Variants in ZNF419 observed in about 807,000 individuals in gnomAD.
ZNF419 encodes the protein zinc finger protein 419, also known as zinc finger protein 419A.
ZNF419 carries 8 observed loss-of-function variants against 14.9 expected under a neutral mutation model. That is an observed-to-expected ratio of 0.54 (90% confidence interval 0.32 to 0.97). The LOEUF is 0.97. ZNF419 is among the 50% of genes least tolerant of loss of function. The pLI is 0.04. For synonymous variants in ZNF419, 211 were observed against 205.3 expected (o/e 1.03, Z -0.24); for missense variants, 595 against 607.2 (o/e 0.98, Z 0.21).
Position 57,495,780 on chromosome 19 carries a change from A to T in ZNF419, c.*1690A>T, listed in dbSNP as rs1305878287. The stretch of plus-strand genomic sequence containing the variant: ...AAAAAAAAAAAAAAAGCCTTATGTG[A>T]GTATGCTACTGTAATCTTATGAATC... On this transcript the variant is annotated 3_prime_UTR_variant, in exon 5 of 5. Transcript: ENST00000221735. The T allele has an allele frequency of 7.5e-6, 1 of 134,036 alleles. No individual in the cohort carries two copies. Among genetic ancestry groups the T allele is most frequent in the African/African-American group, 2.7e-5 (1 of 36,772 alleles). 8.3% of individuals were successfully genotyped at this position (134,036 alleles called of 1,614,324 possible). A position where few individuals can be genotyped will look rare whatever the true frequency, so the allele number is the denominator to read the frequency against.
At chr19:57,490,092 G>C in intron 1 of ZNF419, 55 bp from the exon 2 acceptor site, 1 of 1,565,878 alleles carries the variant, frequency 6.4e-7, no homozygotes. Context: ...GAGTGGGCTT[G>C]GATGATCCTT....
In ZNF419 at chr19:57,493,804, G is replaced by T. The variant is rs754324835; in HGVS notation, c.1247G>T (p.Arg416Ile). 6.2e-7 allele frequency: 1 copy of T among 1,613,130 alleles called. No individual in the cohort carries two copies. The highest frequency in any genetic ancestry group is 8.5e-7 in the Non-Finnish European group (1 of 1,179,724). ...RFFRENSTLV[R>I]HQRVHTGAKP... Reference sequence around the variant, plus strand: ...TTTAGAGAGAATTCCACCCTAGTTAGACATCAGAGGGTTCACACTGGAGCA... The same window carrying T: ...TTTAGAGAGAATTCCACCCTAGTTATACATCAGAGGGTTCACACTGGAGCA... The change falls in exon 5 of 5, where the codon AGA becomes ATA. Residue 416 changes from arginine to isoleucine, a missense_variant. Arg to Ile is a moderately conservative substitution (Grantham distance 97). Coordinates refer to ENST00000221735, the MANE Select transcript of ZNF419 (RefSeq NM_024691.4).
chr19:57,492,591 C>A, intron 4 of ZNF419: 1 of 750,028 alleles, frequency 1.3e-6, no homozygotes, highest in Non-Finnish European at 2.4e-6. Flanking sequence ...AAGCCATTTG[C>A]AGAGGATTGT....
rs149140649 is a variant in ZNF419 at position 57,487,888 on chromosome 19, C to T, written c.-63C>T. On this transcript the variant is annotated 5_prime_UTR_variant, in exon 1 of 5. Transcript: ENST00000221735. ...CGGGTCTGAGGCTCGGTGGCGGCGC[C>T]CAGGGTGGCCCGGGCCCTTTCCTCG... The T allele has an allele frequency of 4.4e-4, 710 of 1,611,860 alleles. 7 individuals are homozygous for T. In the East Asian group the frequency reaches 0.016, roughly 35 times the overall value.
At chr19:57,489,778 C>G (rs2089442364) in intron 1 of ZNF419, 1 of 199,776 alleles carries the variant, frequency 5.0e-6, no homozygotes, top group Non-Finnish European at 1.0e-5. Context: ...GTGTGAGCCA[C>G]TGCGCCTAGC....
In ZNF419 at chr19:57,493,838, T is replaced by C. The variant is rs781157955; in HGVS notation, c.1281T>C (p.Tyr427=). ...HQRVHTGAKP[Y]ECRECGKFFS... ...GGGTTCACACTGGAGCAAAGCCTTA[T>C]GAGTGCAGGGAATGTGGGAAATTTT... Residue 427 remains tyrosine (Y), a synonymous_variant, in exon 5 of 5, where the codon TAT becomes TAC. Transcript: ENST00000221735. The C allele has an allele frequency of 5.0e-6, 8 of 1,613,972 alleles. No homozygotes were observed. The highest frequency in any genetic ancestry group is 5.9e-6 in the Non-Finnish European group (7 of 1,179,940).
chr19:57,490,559 A>G (rs540652450), intron 2 of ZNF419: 1 of 166,046 alleles, frequency 6.0e-6, no homozygotes, highest in East Asian at 1.8e-4. Context: ...CACGTTGGTT[A>G]GGTTGGTCTC....
chr19:57,492,538 C>T, intron 4 of ZNF419: 1 of 756,754 alleles, frequency 1.3e-6, no homozygotes, highest in East Asian at 2.5e-5. Flanking sequence ...ACATAACCTT[C>T]TGTGCCGTGT....
chr19:57,487,799 T>G lies in ZNF419; in HGVS notation c.-152T>G. ...GAACTAACCTGCGAGAAGCTGGTTGTGCGCTGAGGCGACCAGCGCCGGAAG... is the reference window on the plus strand; with the variant it reads ...GAACTAACCTGCGAGAAGCTGGTTGGGCGCTGAGGCGACCAGCGCCGGAAG... On this transcript the variant is annotated 5_prime_UTR_variant, in exon 1 of 5. Transcript: ENST00000221735. 3.7e-6 allele frequency: 4 copies of G among 1,092,916 alleles called. No individual in the cohort carries two copies. The highest frequency in any genetic ancestry group is 5.5e-6 in the Non-Finnish European group (4 of 732,856). 67.7% of individuals were successfully genotyped at this position (1,092,916 alleles called of 1,614,324 possible).
At position 57,495,947 on chromosome 19, in the gene ZNF419, A is replaced by T. The variant is rs1600143346; in HGVS notation, c.*1857A>T. 1 of 152,188 alleles carries T rather than the reference A, an allele frequency of 6.6e-6. No homozygotes were observed. The highest frequency in any genetic ancestry group is 1.9e-4 in the East Asian group (1 of 5,198). The allele number at this position is 152,188 out of a possible 1,614,324, so 9.4% of individuals were successfully genotyped here. ...ATTCCAGTAGTTTTGAGCACATTTA[A>T]TACCCAGTTATTGGTTTATATCATT... On this transcript the variant is annotated 3_prime_UTR_variant, in exon 5 of 5. Coordinates refer to ENST00000221735, the MANE Select transcript of ZNF419 (RefSeq NM_024691.4).
chr19:57,492,618 C>T, intron 4 of ZNF419: 2 of 757,354 alleles, frequency 2.6e-6, no homozygotes, highest in Non-Finnish European at 4.8e-6. Flanking sequence ...GACACTGCCT[C>T]TCCTCCCTGT....
intron 2 of ZNF419, 147 bp downstream of exon 2, chr19:57,490,332 C>T: frequency 1.5e-6 from 1 of 658,924 alleles, no homozygotes; most frequent in Non-Finnish European, 2.7e-6. Flanking sequence ...CAGTCAGGGC[C>T]CTGAGTCCAG....
In ZNF419 at chr19:57,493,156, A is replaced by G; in HGVS notation, c.599A>G (p.Lys200Arg). The change falls in exon 5 of 5, where the codon AAA becomes AGA. Residue 200 changes from lysine to arginine, a missense_variant. By Grantham distance (26) the Lys-to-Arg change is conservative (BLOSUM62 2). Transcript: ENST00000221735. Reference sequence around the variant, plus strand: ...AGTAGGGAGGCCTTTCATGCTGGAAAAAGGCATTACAAATGCAGTGAATGT... The same window carrying G: ...AGTAGGGAGGCCTTTCATGCTGGAAGAAGGCATTACAAATGCAGTGAATGT... ...SKSREAFHAG[K>R]RHYKCSECGK... is the part of the protein sequence containing the mutation. 1 of 1,614,258 alleles carries G rather than the reference A, an allele frequency of 6.2e-7. No homozygotes were observed. The highest frequency in any genetic ancestry group is 1.7e-5 in the Admixed American group (1 of 60,038).
Position 57,492,839 on chromosome 19 carries a change from C to T in ZNF419, c.299-17C>T. 1 of 1,613,382 alleles carries T rather than the reference C, an allele frequency of 6.2e-7. No individual in the cohort carries two copies. The highest frequency in any genetic ancestry group is 8.5e-7 in the Non-Finnish European group (1 of 1,179,586). ...CCAAAGTCTACATTTACTTCTTCAA[C>T]ATTTATCTTCTGTCAGGTTGTTGGC... On this transcript the variant is annotated splice_polypyrimidine_tract_variant and intron_variant, in intron 4 of 4. Coordinates refer to ENST00000221735, the MANE Select transcript of ZNF419 (RefSeq NM_024691.4).
intron 1 of ZNF419, chr19:57,488,377 G>A (rs1410770762): frequency 2.4e-5 from 6 of 253,272 alleles, no homozygotes; most frequent in Admixed American, 4.9e-5. Flanking sequence ...GGGGTGAGGC[G>A]GGTGAAGACA....
rs1303127600 is a variant in ZNF419, at chr19:57,487,891, G to A, written c.-60G>A. The A allele has an allele frequency of 6.2e-7, 1 of 1,612,430 alleles. No homozygotes were observed. The highest frequency in any genetic ancestry group is 8.5e-7 in the Non-Finnish European group (1 of 1,179,022). ...GTCTGAGGCTCGGTGGCGGCGCCCA[G>A]GGTGGCCCGGGCCCTTTCCTCGGTC... On this transcript the variant is annotated 5_prime_UTR_variant, in exon 1 of 5. Transcript: ENST00000221735.
rs370176097 is a variant in ZNF419, at chr19:57,487,910, C to T, written c.-41C>T. 5.0e-6 allele frequency: 8 copies of T among 1,613,580 alleles called. No individual in the cohort carries two copies. The African/African-American group carries it at 9.3e-5, about 19-fold the overall frequency. On this transcript the variant is annotated 5_prime_UTR_variant, in exon 1 of 5. Coordinates refer to ENST00000221735, the MANE Select transcript of ZNF419 (RefSeq NM_024691.4). ...CGCCCAGGGTGGCCCGGGCCCTTTC[C>T]TCGGTCATTGTCTCCCCTCCAGCTC...
intron 3 of ZNF419, 55 bp downstream of exon 3, chr19:57,491,652 T>C: frequency 1.2e-6 from 2 of 1,613,800 alleles, no homozygotes; most frequent in Non-Finnish European, 8.5e-7. Flanking sequence ...CTTTTCCTCC[T>C]TTTCCTAGGG....
chr19:57,488,780 A>G (rs1296744244), intron 1 of ZNF419: 1 of 152,212 alleles, frequency 6.6e-6, no homozygotes, highest in African/African-American at 2.4e-5. Flanking sequence ...GGACTAGGGT[A>G]AGTCCTGGGG....
Sources: allele counts gnomAD v4.1 joint callset, GRCh38; gene constraint gnomAD v4.1.1; transcripts MANE v1.5; gene names NCBI Gene and HGNC (gene_info 2026-07-23, HGNC 2026-07-21).